The following UNC13C variants were observed in gnomAD, a reference collection of about 807,000 sequenced individuals.
The protein encoded by UNC13C is unc-13 homolog C.
Under a neutral mutation model 245.4 loss-of-function variants are expected in UNC13C, and 174 were observed. The observed-to-expected ratio is 0.71, with a 90% CI of 0.63 to 0.80. UNC13C has a LOEUF of 0.80. Ranked by LOEUF, UNC13C falls within the 30% of genes least tolerant of loss-of-function variation. UNC13C has a pLI of 0.00. For missense variants in UNC13C, 2,829 were observed against 2,602.9 expected (o/e 1.09, Z -1.89); for synonymous variants, 992 against 895.1 (o/e 1.11, Z -1.93).
chr15:53,923,226 A>T, the UNC13C span, among the ~76,000 whole-genome samples: 1 of 152,260 alleles, frequency 6.6e-6, no homozygotes, highest in African/African-American at 2.4e-5. Context: ...TAAAGCCCTT[A>T]GCTATACCAC....
intron 2 of UNC13C, chr15:54,050,096 A>C (rs1339583388): frequency 3.0e-6 from 1 of 330,224 alleles, no homozygotes; most frequent in Non-Finnish European, 6.0e-6. Flanking sequence ...CAGCCTCCCA[A>C]GTAGCTGCGA....
At chr15:54,320,883 A>T (rs145207153) in intron 13 of UNC13C, 48 of 337,034 alleles carry the variant, frequency 1.4e-4, no homozygotes, top group African/African-American at 1.0e-3. Flanking sequence ...TGAAGATTGA[A>T]TCCTATCATT....
At chr15:54,629,310 G>GAAAA (rs900498147), downstream of UNC13C, 3 of 152,180 alleles carry the variant, frequency 2.0e-5, no homozygotes, top group African/African-American at 7.2e-5. Context: ...GAAAAGATAA[G>GAAAA]AAAAAGTATC....
chr15:54,258,513 A>G (rs1274215987), intron 8 of UNC13C, among the ~76,000 whole-genome samples: 4 of 152,076 alleles, frequency 2.6e-5, no homozygotes, highest in South Asian at 4.2e-4. Context: ...ACAGATGTGC[A>G]CCACCACATC....
chr15:54,331,148 A>C (rs1325230461), intron 14 of UNC13C, among the ~76,000 whole-genome samples: 1 of 152,038 alleles, frequency 6.6e-6, no homozygotes, highest in Non-Finnish European at 1.5e-5. Flanking sequence ...TATCCTCCAA[A>C]GTGCAATTTG....
rs553380509 is a variant in UNC13C at position 54,519,934 on chromosome 15, G to A, written c.5458-5615G>A. On this transcript the variant is annotated intron_variant, in intron 24 of 32. Coordinates refer to ENST00000260323, the MANE Select transcript of UNC13C (RefSeq NM_001080534.3). ...AGACCCTATAAGATGAAAAGATTCC[G>A]GTCAAGTGGAAGATTTGAAGGAAAA... Among the ~76,000 whole-genome samples, 38 of 152,192 alleles carry A rather than the reference G, an allele frequency of 2.5e-4. No homozygotes were observed. The South Asian group carries it at 5.4e-3, about 22-fold the overall frequency.
At chr15:53,867,481 C>T in the UNC13C span, among the ~76,000 whole-genome samples, 3 of 152,142 alleles carry the variant, frequency 2.0e-5, no homozygotes, top group Admixed American at 6.5e-5. Context: ...TAGTGAAAGC[C>T]GCTTTACAAC....
intron 4 of UNC13C, among the ~76,000 whole-genome samples, chr15:54,144,817 C>T (rs908042067): frequency 6.6e-6 from 1 of 151,970 alleles, no homozygotes; most frequent in African/African-American, 2.4e-5. Flanking sequence ...ATTATAGATA[C>T]TATGGTAAAT....
At chr15:54,248,324 C>T (rs2036050646) in intron 7 of UNC13C, among the ~76,000 whole-genome samples, 1 of 152,140 alleles carries the variant, frequency 6.6e-6, no homozygotes, top group South Asian at 2.1e-4. Context: ...ATTACGCACA[C>T]AAACACACAC....
the UNC13C span, among the ~76,000 whole-genome samples, chr15:53,886,895 G>A: frequency 6.6e-6 from 1 of 152,050 alleles, no homozygotes; most frequent in Non-Finnish European, 1.5e-5. Flanking sequence ...AGTCGCAATA[G>A]GGCAGCATCC....
chr15:53,992,165 G>A (rs975360184), intron 1 of UNC13C, among the ~76,000 whole-genome samples: 1 of 151,994 alleles, frequency 6.6e-6, no homozygotes, highest in African/African-American at 2.4e-5. Context: ...ACTGGAGAAG[G>A]AATGTATCCC....
chr15:54,616,784 G>C (rs1034604459), intron 30 of UNC13C, among the ~76,000 whole-genome samples: 2 of 151,914 alleles, frequency 1.3e-5, no homozygotes, highest in Non-Finnish European at 2.9e-5. Context: ...GAGTCTGCAG[G>C]GGGTACAATA....
chr15:53,841,315 A>G, the UNC13C span, among the ~76,000 whole-genome samples: 1 of 152,082 alleles, frequency 6.6e-6, no homozygotes, highest in Non-Finnish European at 1.5e-5. Context: ...TACCTTTGCC[A>G]TCTCCCAGTG....
chr15:54,034,716 TA>T (rs1420718107), intron 2 of UNC13C, among the ~76,000 whole-genome samples: 2 of 152,228 alleles, frequency 1.3e-5, no homozygotes, highest in Non-Finnish European at 2.9e-5. Context: ...ATACACAATG[TA>T]CTTTGTGAAC....
At chr15:54,050,171 C>T (rs1435937069) in intron 2 of UNC13C, 4 of 455,434 alleles carry the variant, frequency 8.8e-6, no homozygotes, top group South Asian at 3.3e-5. Context: ...GGGGTTTCAC[C>T]ATGTTGGCCA....
intron 19 of UNC13C, among the ~76,000 whole-genome samples, chr15:54,455,004 T>C (rs1222256268): frequency 6.6e-6 from 1 of 151,506 alleles, no homozygotes; most frequent in Non-Finnish European, 1.5e-5. Flanking sequence ...TATATCATTA[T>C]TATGTTACAT....
At chr15:54,161,943 A>AT (rs1320482129) in intron 4 of UNC13C, among the ~76,000 whole-genome samples, 2 of 137,286 alleles carry the variant, frequency 1.5e-5, no homozygotes, top group African/African-American at 2.8e-5. Context: ...GAGGGACTCC[A>AT]TTTAAAAAAA....
At chr15:54,548,569 G>T (rs557036776) in intron 27 of UNC13C, among the ~76,000 whole-genome samples, 17 of 152,066 alleles carry the variant, frequency 1.1e-4, no homozygotes, top group Non-Finnish European at 2.2e-4. Flanking sequence ...GGTTTTGATT[G>T]TTCTTTAGTA....
chr15:54,337,020 A>G (rs985816013), intron 16 of UNC13C, among the ~76,000 whole-genome samples: 1 of 152,198 alleles, frequency 6.6e-6, no homozygotes, highest in Non-Finnish European at 1.5e-5. Flanking sequence ...CATTTTAACA[A>G]TATTAAAACT....
Sources: allele counts gnomAD v4.1 joint callset (sites outside exome capture counted in the v4.1 genomes callset), GRCh38; gene constraint gnomAD v4.1.1; transcripts MANE v1.5; gene names NCBI Gene and HGNC (gene_info 2026-07-23, HGNC 2026-07-21).